The following OR8J1 variants were observed in gnomAD, a reference collection of about 807,000 sequenced individuals.
OR8J1 encodes olfactory receptor 8J1.
For missense variants in OR8J1, 400 were observed against 373.0 expected (o/e 1.07, Z -0.60); for synonymous variants, 157 against 144.3 (o/e 1.09, Z -0.63).
intron 1 of OR8J1, among the ~76,000 whole-genome samples, chr11:56,355,259 G>A (rs973271539): frequency 1.9e-4 from 29 of 150,970 alleles, no homozygotes; most frequent in African/African-American, 7.1e-4. Context: ...ACTAGTAATA[G>A]GGAATAAATA....
chr11:56,357,741 G>A (rs764873143), intron 1 of OR8J1: 5 of 1,571,310 alleles, frequency 3.2e-6, no homozygotes, highest in African/African-American at 1.3e-5. Context: ...TGGTCAGCCA[G>A]GTGCCTTTAC....
Position 56,360,589 on chromosome 11 carries a change from C to A in OR8J1, c.343C>A (p.Leu115Met), listed in dbSNP as rs994678409. 2 of 1,613,994 alleles carry A rather than the reference C, an allele frequency of 1.2e-6. No homozygotes were observed. The highest frequency in any genetic ancestry group is 1.7e-6 in the Non-Finnish European group (2 of 1,179,966). The change falls in exon 2 of 2, where the codon CTG becomes ATG. Residue 115 changes from leucine to methionine, a missense_variant. Leu to Met is a conservative substitution (Grantham distance 15). Coordinates refer to ENST00000533152, the MANE Select transcript of OR8J1 (RefSeq NM_001005205.3). The part of the protein sequence containing the change: ...LFFIVSEVIM[L>M]ALMAYDRYVA... ...CTTTATTGTATCGGAGGTAATCATG[C>A]TGGCTTTGATGGCCTATGACCGCTA...
At position 56,360,288 on chromosome 11, in the gene OR8J1, T is replaced by C. The variant is rs139752691; in HGVS notation, c.42T>C (p.Leu14=). 149 of 1,599,350 alleles carry C rather than the reference T, an allele frequency of 9.3e-5. No individual in the cohort carries two copies. In the Middle Eastern group the frequency reaches 1.0e-3, roughly 11 times the overall value. The stretch of plus-strand genomic sequence containing the variant: ...TCACCAGAGTCACTGAGTTTATTCT[T>C]ACAGGTGTCTCTAGCTGTCCAGAGC... ...ENFTRVTEFI[L]TGVSSCPELQ... Residue 14 remains leucine, a synonymous_variant, in exon 2 of 2, where the codon CTT becomes CTC. Coordinates refer to ENST00000533152, the MANE Select transcript of OR8J1 (RefSeq NM_001005205.3).
intron 1 of OR8J1, chr11:56,358,016 G>A (rs539807861): frequency 3.8e-6 from 3 of 789,676 alleles, no homozygotes; most frequent in Non-Finnish European, 4.1e-6. Context: ...ATAAAGAACA[G>A]CATAACTCCA....
rs752525289 is a variant in OR8J1 at position 56,360,407 on chromosome 11, G to A, written c.161G>A (p.Arg54Gln). 8.7e-6 allele frequency: 14 copies of A among 1,613,908 alleles called. No homozygotes were observed. The highest frequency in any genetic ancestry group is 2.7e-5 in the African/African-American group (2 of 74,878). Residue 54 changes from arginine (R) to glutamine (Q), a missense_variant, in exon 2 of 2, where the codon CGA becomes CAA. By Grantham distance (43) the Arg-to-Gln change is conservative. Transcript: ENST00000533152. ...GIITLTSVDS[R>Q]LQTPMYFFLQ... is the part of the protein sequence containing the mutation. ...ATCACCCTCACCAGTGTTGACTCTCGACTTCAAACCCCCATGTACTTTTTC... is the reference window on the plus strand; with the variant it reads ...ATCACCCTCACCAGTGTTGACTCTCAACTTCAAACCCCCATGTACTTTTTC...
At position 56,360,949 on chromosome 11, in the gene OR8J1, A is replaced by C. The variant is rs1852630406; in HGVS notation, c.703A>C (p.Lys235Gln). 2 of 1,477,962 alleles carry C rather than the reference A, an allele frequency of 1.4e-6. No individual in the cohort carries two copies. The highest frequency in any genetic ancestry group is 1.4e-5 in the African/African-American group (1 of 69,396). The allele number at this position is 1,477,962 out of a possible 1,614,324, so 91.6% of individuals were successfully genotyped here. ...ILKICSSEGR[K>Q]KAFSTCASHM... The stretch of plus-strand genomic sequence containing the variant: ...AAAAATATGTTCATCAGAAGGAAGG[A>C]AAAAAGCCTTTTCTACCTGTGCTTC... Residue 235 changes from lysine (K) to glutamine (Q), a missense_variant, in exon 2 of 2, where the codon AAA (lysine) becomes CAA (glutamine). Lys to Gln is a moderately conservative substitution (Grantham distance 53). Transcript: ENST00000533152.
At position 56,361,320 on chromosome 11, in the gene OR8J1, C is replaced by G; in HGVS notation, c.*123C>G. ...GGTTCGTAAGCAATCATAAGAATTACAACAAGATACAATTTAGGGAGCTTT... is the reference window on the plus strand; with the variant it reads ...GGTTCGTAAGCAATCATAAGAATTAGAACAAGATACAATTTAGGGAGCTTT... On this transcript the variant is annotated 3_prime_UTR_variant, in exon 2 of 2. Coordinates refer to ENST00000533152, the MANE Select transcript of OR8J1 (RefSeq NM_001005205.3). The G allele has an allele frequency of 2.5e-6, 1 of 405,168 alleles. No individual in the cohort carries two copies. Among genetic ancestry groups the G allele is most frequent in the Non-Finnish European group, 4.3e-6 (1 of 231,980 alleles). 25.1% of individuals were successfully genotyped at this position (405,168 alleles called of 1,614,324 possible). A position where few individuals can be genotyped will look rare whatever the true frequency, so the allele number is the denominator to read the frequency against.
chr11:56,359,283 A>T (rs1289155530), intron 1 of OR8J1, among the ~76,000 whole-genome samples: 1 of 152,106 alleles, frequency 6.6e-6, no homozygotes, highest in Non-Finnish European at 1.5e-5. Flanking sequence ...TTCTATGTCA[A>T]ATATGAGCAT....
chr11:56,357,824 G>A (rs1854990504), intron 1 of OR8J1: 10 of 1,036,122 alleles, frequency 9.7e-6, no homozygotes, highest in South Asian at 2.5e-5. Context: ...AGGAAGCTGC[G>A]GTTGGAGGCT....
At chr11:56,357,159 G>T (rs11228123) in intron 1 of OR8J1, among the ~76,000 whole-genome samples, 1 of 151,886 alleles carries the variant, frequency 6.6e-6, no homozygotes, top group Non-Finnish European at 1.5e-5. Context: ...GCCCTGCCTC[G>T]AGCTTTTTCA....
chr11:56,360,322 C>A lies in OR8J1; in HGVS notation c.76C>A (p.Pro26Thr). The A allele has an allele frequency of 1.2e-6, 2 of 1,613,862 alleles. No individual in the cohort carries two copies. Among genetic ancestry groups the A allele is most frequent in the Non-Finnish European group, 1.7e-6 (2 of 1,179,932 alleles). The stretch of plus-strand genomic sequence containing the variant: ...CTCTAGCTGTCCAGAGCTCCAGATT[C>A]CCCTCTTCCTGGTCTTTCTGGTGCT... ...GVSSCPELQI[P>T]LFLVFLVLYG... The change falls in exon 2 of 2, where the codon CCC becomes ACC. Residue 26 changes from proline to threonine, a missense_variant. Transcript: ENST00000533152.
intron 1 of OR8J1, chr11:56,357,809 C>A: frequency 1.7e-6 from 2 of 1,165,184 alleles, no homozygotes; most frequent in Admixed American, 1.7e-5. Flanking sequence ...TTTTTGGCAC[C>A]CTGAAGGAAG....
chr11:56,356,323 G>A (rs1854967874), intron 1 of OR8J1, among the ~76,000 whole-genome samples: 1 of 152,166 alleles, frequency 6.6e-6, no homozygotes, highest in South Asian at 2.1e-4. Context: ...GGATGAATAT[G>A]ACTTTTGTGA....
intron 1 of OR8J1, among the ~76,000 whole-genome samples, chr11:56,357,154 G>A (rs1027685322): frequency 2.6e-5 from 4 of 151,990 alleles, no homozygotes; most frequent in Admixed American, 6.6e-5. Context: ...TTCCTGCCCT[G>A]CCTCGAGCTT....
At chr11:56,355,056 C>T (rs1854949146) in intron 1 of OR8J1, among the ~76,000 whole-genome samples, 1 of 151,988 alleles carries the variant, frequency 6.6e-6, no homozygotes, top group Non-Finnish European at 1.5e-5. Flanking sequence ...ATCTCTATAA[C>T]ATTATCAAGA....
rs751587393 is a variant in OR8J1 at position 56,360,764 on chromosome 11, T to A, written c.518T>A (p.Ile173Lys). 1.3e-6 allele frequency: 2 copies of A among 1,590,948 alleles called. No individual in the cohort carries two copies. The highest frequency in any genetic ancestry group is 1.4e-5 in the African/African-American group (1 of 73,282). ...VFSVSYCSSN[I>K]INHFYCDNVP... ...TCTGTGTCTTATTGCTCTTCTAATA[T>A]AATCAATCATTTTTACTGTGATAAT... Residue 173 changes from isoleucine (I) to lysine (K), a missense_variant, in exon 2 of 2, where the codon ATA becomes AAA. Coordinates refer to ENST00000533152, the MANE Select transcript of OR8J1 (RefSeq NM_001005205.3).
At chr11:56,357,832 G>A in intron 1 of OR8J1, 2 of 1,007,070 alleles carry the variant, frequency 2.0e-6, no homozygotes, top group Non-Finnish European at 3.1e-6. Context: ...GCGGTTGGAG[G>A]CTTGTCTATC....
At chr11:56,358,027 G>T in intron 1 of OR8J1, 1 of 712,492 alleles carries the variant, frequency 1.4e-6, no homozygotes, top group South Asian at 1.7e-5. Context: ...CATAACTCCA[G>T]ACATGATGGA....
At chr11:56,359,937 G>T (rs550166831) in intron 1 of OR8J1, among the ~76,000 whole-genome samples, 2 of 152,218 alleles carry the variant, frequency 1.3e-5, no homozygotes, top group South Asian at 2.1e-4. Flanking sequence ...TCAAATGTTT[G>T]CAAACTAAGA....
Sources: allele counts gnomAD v4.1 joint callset (sites outside exome capture counted in the v4.1 genomes callset), GRCh38; gene constraint gnomAD v4.1.1; transcripts MANE v1.5; gene names NCBI Gene and HGNC (gene_info 2026-07-23, HGNC 2026-07-21).